MAPK4: variants seen among roughly 807,000 people sequenced by gnomAD.
MAPK4 encodes the protein Erk3-related.
In MAPK4, 22 loss-of-function variants were observed where a neutral mutation model predicts 47.7. The ratio of observed to expected loss-of-function variants is 0.46; its 90% CI spans 0.33 to 0.66. The LOEUF (loss-of-function observed/expected upper bound fraction) is 0.66. Ranked by LOEUF, MAPK4 falls within the 30% of genes least tolerant of loss-of-function variation. The pLI, the probability that MAPK4 is intolerant of heterozygous loss-of-function variation, is 0.02. For missense variants in MAPK4, 736 were observed against 831.7 expected, an observed-to-expected ratio of 0.88 and a Z score of 1.42; for synonymous variants, 390 against 365.7, an observed-to-expected ratio of 1.07 and a Z score of -0.76.
rs769607303 is a variant in MAPK4 at position 50,678,010 on chromosome 18, C to A, written c.546+13506C>A. Among the ~76,000 whole-genome samples the A allele has an allele frequency of 1.3e-5, 2 of 152,172 alleles. No homozygotes were observed. Among genetic ancestry groups the A allele is most frequent in the Non-Finnish European group, 2.9e-5 (2 of 68,024 alleles). The stretch of plus-strand genomic sequence containing the variant: ...TCCTCATAGGTAGAGTGGGCAGGTA[C>A]TAACTAGTGCCATGTGAGCCTAAGC... On this transcript the variant is annotated intron_variant, in intron 2 of 5. Coordinates refer to ENST00000400384, the MANE Select transcript of MAPK4 (RefSeq NM_002747.4). The surrounding 1 kb of genome is among the most constrained non-coding windows in gnomAD (Gnocchi z 4.2).
chr18:50,599,510 T>G (rs956078607), intron 1 of MAPK4, among the ~76,000 whole-genome samples: 12 of 152,120 alleles, frequency 7.9e-5, no homozygotes, highest in African/African-American at 2.4e-4. Flanking sequence ...CCTTTGCCTT[T>G]TGGGTTCAAG....
At chr18:50,714,972 G>A (rs1910563111) in intron 2 of MAPK4, 107 bp from the exon 3 acceptor site, 1 of 1,109,998 alleles carries the variant, frequency 9.0e-7, no homozygotes, top group Admixed American at 2.2e-5. Flanking sequence ...AAGAATGAAA[G>A]GGACCCTGAA....
At chr18:50,729,084 T>G in intron 5 of MAPK4, 74 bp from the exon 6 acceptor site, 1 of 1,303,104 alleles carries the variant, frequency 7.7e-7, no homozygotes. Context: ...CAAACAGGGA[T>G]TAGAGGGCTT....
At chr18:50,667,787 A>C (rs1462234040) in intron 2 of MAPK4, among the ~76,000 whole-genome samples, 1 of 152,176 alleles carries the variant, frequency 6.6e-6, no homozygotes, top group Non-Finnish European at 1.5e-5. Flanking sequence ...CTGTGACCTC[A>C]AAACCTTGGG....
chr18:50,720,252 A>G (rs753674288), intron 3 of MAPK4, among the ~76,000 whole-genome samples: 1 of 151,990 alleles, frequency 6.6e-6, no homozygotes, highest in Non-Finnish European at 1.5e-5. Flanking sequence ...GCTTCTCTCA[A>G]AGCCACTCTT....
chr18:50,603,441 C>T (rs897916442), intron 1 of MAPK4, among the ~76,000 whole-genome samples: 1 of 152,146 alleles, frequency 6.6e-6, no homozygotes, highest in African/African-American at 2.4e-5. Flanking sequence ...GTGCCCTGCC[C>T]TCCTCATCCT....
At chr18:50,601,483 AT>A (rs1393150095) in intron 1 of MAPK4, among the ~76,000 whole-genome samples, 1 of 151,860 alleles carries the variant, frequency 6.6e-6, no homozygotes, top group Non-Finnish European at 1.5e-5. Context: ...ACCCAGAGTT[AT>A]TTTGTCTCAA....
At chr18:50,634,698 G>A (rs2042866646) in intron 1 of MAPK4, among the ~76,000 whole-genome samples, 1 of 152,068 alleles carries the variant, frequency 6.6e-6, no homozygotes, top group Non-Finnish European at 1.5e-5. Context: ...AGGGAGCCAG[G>A]GAACAACTAG....
rs186862797 is a variant in MAPK4 at position 50,590,099 on chromosome 18, T to C, written c.-871+29856T>C. Among the ~76,000 whole-genome samples, 120 of 152,328 alleles carry C rather than the reference T, an allele frequency of 7.9e-4. 2 individuals carry two copies. In the Middle Eastern group the frequency reaches 0.01, roughly 13 times the overall value. ...GCAAATCCAGATCCAGTTCCTCTAT[T>C]TCAGTGTTTCTCCCTGTCTTCCACA... On this transcript the variant is annotated intron_variant, in intron 1 of 5. Coordinates refer to ENST00000400384, the MANE Select transcript of MAPK4 (RefSeq NM_002747.4).
At chr18:50,568,675 T>C (rs937502839) in intron 1 of MAPK4, among the ~76,000 whole-genome samples, 5 of 152,210 alleles carry the variant, frequency 3.3e-5, no homozygotes, top group African/African-American at 9.6e-5. Context: ...GTGGTGCAAG[T>C]TAATTTTACT....
At chr18:50,600,250 A>G (rs569005708) in intron 1 of MAPK4, among the ~76,000 whole-genome samples, 15 of 152,332 alleles carry the variant, frequency 9.8e-5, no homozygotes, top group Admixed American at 9.8e-4. Flanking sequence ...TTTATCCAAC[A>G]TTGATGTGTG....
intron 2 of MAPK4, among the ~76,000 whole-genome samples, chr18:50,675,950 A>G (rs917231798): frequency 6.6e-6 from 1 of 152,214 alleles, no homozygotes; most frequent in Non-Finnish European, 1.5e-5. Context: ...AACAGGTGCT[A>G]TGTGATTTAG....
intron 3 of MAPK4, 90 bp downstream of exon 3, chr18:50,715,313 A>G (rs1910584221): frequency 2.1e-6 from 3 of 1,403,738 alleles, no homozygotes; most frequent in African/African-American, 2.9e-5. Context: ...ATCACAAAAC[A>G]TGCTCATCTT....
At chr18:50,628,716 G>A (rs563327455) in intron 1 of MAPK4, among the ~76,000 whole-genome samples, 2 of 152,206 alleles carry the variant, frequency 1.3e-5, no homozygotes, top group South Asian at 4.1e-4. Flanking sequence ...TAGCCCCTCC[G>A]ACCTCTCCTC....
intron 1 of MAPK4, among the ~76,000 whole-genome samples, chr18:50,633,204 C>A (rs1033821380): frequency 6.6e-6 from 1 of 152,206 alleles, no homozygotes; most frequent in Non-Finnish European, 1.5e-5. Context: ...GGAAAGGACA[C>A]AAGGTCTTCT....
chr18:50,602,954 T>G (rs2042553184), intron 1 of MAPK4, among the ~76,000 whole-genome samples: 1 of 152,114 alleles, frequency 6.6e-6, no homozygotes, highest in African/African-American at 2.4e-5. Context: ...AGGGCCAAGA[T>G]GGGGACTTCC....
At chr18:50,722,141 G>A (rs750706382) in intron 4 of MAPK4, 42 bp downstream of exon 4, 1 of 1,590,060 alleles carries the variant, frequency 6.3e-7, no homozygotes. Context: ...CTGGGAGGAT[G>A]AGCTAGGCTC....
intron 1 of MAPK4, among the ~76,000 whole-genome samples, chr18:50,640,726 A>T (rs1447816674): frequency 6.6e-6 from 1 of 152,182 alleles, no homozygotes; most frequent in Non-Finnish European, 1.5e-5. Context: ...TTGGCCTACC[A>T]AAGTGCTGGG....
intron 2 of MAPK4, among the ~76,000 whole-genome samples, chr18:50,698,685 AC>A (rs1342578785): frequency 6.6e-6 from 1 of 152,224 alleles, no homozygotes; most frequent in African/African-American, 2.4e-5. Flanking sequence ...GGCCAGTCTC[AC>A]TTATGAGACT....
Sources: allele counts gnomAD v4.1 joint callset (sites outside exome capture counted in the v4.1 genomes callset), GRCh38; gene constraint gnomAD v4.1.1; non-coding constraint Gnocchi (gnomAD v3.1); transcripts MANE v1.5; gene names NCBI Gene and HGNC (gene_info 2026-07-23, HGNC 2026-07-21).